The following BRCA1 variants were observed in gnomAD, a reference collection of about 807,000 sequenced individuals.
BRCA1 encodes BRCA1 DNA repair associated, also known as breast cancer type 1 susceptibility protein.
In BRCA1, 140 loss-of-function variants were observed where a neutral mutation model predicts 173.7. That is an observed-to-expected ratio of 0.81 (90% CI 0.70 to 0.93). The LOEUF is 0.93. BRCA1 is among the 40% of genes least tolerant of loss of function. The probability of loss-of-function intolerance (pLI) is 0.00; values close to 1 mark genes in which losing one functional copy is unlikely to be tolerated. For missense variants in BRCA1, 1,983 were observed against 2,172.5 expected (o/e 0.91, Z 1.73); for synonymous variants, 662 against 756.0 (o/e 0.88, Z 2.04).
At chr17:43,118,761 C>T (rs1484861258) in intron 2 of BRCA1, among the ~76,000 whole-genome samples, 1 of 136,624 alleles carries the variant, frequency 7.3e-6, no homozygotes, top group Non-Finnish European at 1.6e-5. Context: ...GAATGTGAAC[C>T]TTTTTTTTTT....
intron 9 of BRCA1, among the ~76,000 whole-genome samples, chr17:43,095,313 G>A (rs1032768795): frequency 1.3e-5 from 2 of 152,234 alleles, no homozygotes; most frequent in African/African-American, 4.8e-5. Flanking sequence ...CAGGCACAGT[G>A]GCTCAAGCCT....
intron 6 of BRCA1, 96 bp downstream of exon 6, chr17:43,104,026 C>T (rs2054602991): frequency 6.8e-7 from 1 of 1,470,356 alleles, no homozygotes; most frequent in Non-Finnish European, 9.3e-7. Context: ...AGGACTGCTT[C>T]TAGCCTGGGC....
chr17:43,082,718 T>C (rs1457130528), intron 11 of BRCA1, 143 bp from the exon 12 acceptor site: 6 of 864,924 alleles, frequency 6.9e-6, no homozygotes, highest in Non-Finnish European at 1.1e-5. Flanking sequence ...GAACACCTTT[T>C]AATCTAACCA....
intron 11 of BRCA1, among the ~76,000 whole-genome samples, chr17:43,089,922 G>A (rs774424435): frequency 2.0e-5 from 3 of 151,372 alleles, no homozygotes; most frequent in Non-Finnish European, 4.4e-5. Flanking sequence ...TAGGAGGATC[G>A]CTTGAGCCCA....
At chr17:43,162,259 A>G in intron 1 of BRCA1, 1 of 152,166 alleles carries the variant, frequency 6.6e-6, no homozygotes, top group Admixed American at 6.6e-5. Context: ...TTTATGACAG[A>G]TGTACTTATT....
chr17:43,113,609 C>T (rs927777182), intron 3 of BRCA1, among the ~76,000 whole-genome samples: 2 of 151,974 alleles, frequency 1.3e-5, no homozygotes, highest in African/African-American at 4.8e-5. Context: ...CCTCGTGATC[C>T]GCCCACCTCG....
intron 12 of BRCA1, among the ~76,000 whole-genome samples, chr17:43,080,358 G>C (rs938840602): frequency 2.0e-5 from 3 of 152,178 alleles, no homozygotes; most frequent in African/African-American, 7.2e-5. Flanking sequence ...ACCACGCCCG[G>C]CTAATTTTTT....
chr17:43,096,795 A>C (rs2054158993), intron 8 of BRCA1, among the ~76,000 whole-genome samples: 1 of 152,212 alleles, frequency 6.6e-6, no homozygotes, highest in South Asian at 2.1e-4. Context: ...GAACTTAGAG[A>C]ACAATCTGCT....
Position 43,074,353 on chromosome 17 carries a change from A to G in BRCA1, c.4653T>C (p.Ser1551=), listed in dbSNP as rs587780863. The G allele has an allele frequency of 7.2e-5, 116 of 1,613,948 alleles. No homozygotes were observed. Among genetic ancestry groups the G allele is most frequent in the Non-Finnish European group, 9.3e-5 (110 of 1,179,946 alleles). ...TACCTAGATCTTGCCTTGGCAAGTAAGATGTTTCCGTCAAATCGTGTGGCC... is the reference window on the plus strand; with the variant it reads ...TACCTAGATCTTGCCTTGGCAAGTAGGATGTTTCCGTCAAATCGTGTGGCC... ...ESGPHDLTET[S]YLPRQDLEGT... The change falls in exon 14 of 23, where the codon TCT becomes TCC. Residue 1551 remains serine, a synonymous_variant. Coordinates refer to ENST00000357654, the MANE Select transcript of BRCA1 (RefSeq NM_007294.4).
upstream of BRCA1, among the ~76,000 whole-genome samples, chr17:43,128,151 A>G (rs140384369): frequency 4.5e-4 from 68 of 149,528 alleles, no homozygotes; most frequent in Non-Finnish European, 8.1e-4. Context: ...GCTGCTGCTC[A>G]CTCTTTGGGT....
intron 3 of BRCA1, chr17:43,110,414 C>T (rs1171551928): frequency 1.6e-5 from 4 of 254,438 alleles, no homozygotes; most frequent in South Asian, 3.9e-5. Context: ...GGCGAAACCC[C>T]GTCTCTACAG....
At chr17:43,125,112 G>GCCCCC in intron 1 of BRCA1, 159 bp downstream of exon 1, 8 of 270,442 alleles carry the variant, frequency 3.0e-5, no homozygotes, top group South Asian at 5.3e-5. Context: ...CCTACAAACT[G>GCCCCC]CCCCCCTCCC....
chr17:43,143,036 A>G (rs1163776944), intron 1 of BRCA1, among the ~76,000 whole-genome samples: 4 of 149,358 alleles, frequency 2.7e-5, no homozygotes, highest in East Asian at 1.9e-4. Flanking sequence ...ATATGTGTGT[A>G]TATATATGTA....
chr17:43,113,509 G>A (rs1322447545), intron 3 of BRCA1, among the ~76,000 whole-genome samples: 1 of 152,068 alleles, frequency 6.6e-6, no homozygotes, highest in Non-Finnish European at 1.5e-5. Context: ...TGGGACTACA[G>A]GTACGTGCCA....
chr17:43,157,410 A>C (rs956243665), intron 1 of BRCA1, among the ~76,000 whole-genome samples: 4 of 152,266 alleles, frequency 2.6e-5, no homozygotes, highest in African/African-American at 7.2e-5. Context: ...ATTAAAAATT[A>C]ATCTTAAGGC....
intron 19 of BRCA1, among the ~76,000 whole-genome samples, chr17:43,051,638 C>CTT (rs1163251551): frequency 7.1e-5 from 10 of 141,110 alleles, no homozygotes; most frequent in African/African-American, 1.3e-4. Context: ...TCTCCTCTGA[C>CTT]TTTTTTTTTT....
chr17:43,071,954 G>A (rs2153935888), intron 14 of BRCA1, among the ~76,000 whole-genome samples: 1 of 152,022 alleles, frequency 6.6e-6, no homozygotes, highest in South Asian at 2.1e-4. Flanking sequence ...CTTGCAGTGA[G>A]CTGAGATTGA....
intron 6 of BRCA1, 94 bp from the exon 7 acceptor site, chr17:43,099,974 T>C (rs2154530504): frequency 2.0e-6 from 2 of 981,438 alleles, no homozygotes; most frequent in East Asian, 2.4e-5. Flanking sequence ...CAAAATAAAT[T>C]GACCATCATC....
At position 43,044,805 on chromosome 17, in the gene BRCA1, T is replaced by G. The variant is rs928127432; in HGVS notation, c.*873A>C. On this transcript the variant is annotated 3_prime_UTR_variant, in exon 23 of 23. Transcript: ENST00000357654. ...GAAATCTCTTCTAGTTTCATTTTCC[T>G]TTTTTTTTTTTTTTTTTTGAGCCAC... is the stretch of plus-strand genomic sequence containing the variant. 3.5e-5 allele frequency: 1 copy of G among 28,694 alleles called. No individual in the cohort carries two copies. Among genetic ancestry groups the G allele is most frequent in the East Asian group, 5.9e-4 (1 of 1,698 alleles). The allele number at this position is 28,694 out of a possible 1,614,324, so 1.8% of individuals were successfully genotyped here.
Sources: allele counts gnomAD v4.1 joint callset (sites outside exome capture counted in the v4.1 genomes callset), GRCh38; gene constraint gnomAD v4.1.1; transcripts MANE v1.5; gene names NCBI Gene and HGNC (gene_info 2026-07-23, HGNC 2026-07-21).